The following XK variants were observed in gnomAD, a reference collection of about 807,000 sequenced individuals.
XK encodes the protein endoplasmic reticulum membrane adapter protein XK.
Under a neutral mutation model 14.0 loss-of-function variants are expected in XK, and 2 were observed. That is an observed-to-expected ratio of 0.14 (90% CI 0.06 to 0.45). XK has a LOEUF of 0.45. Among genes scored for constraint, XK ranks in the 20% least tolerant of loss-of-function variants. The probability of loss-of-function intolerance (pLI) is 0.98; values close to 1 mark genes in which losing one functional copy is unlikely to be tolerated. For missense variants in XK, 235 were observed against 341.5 expected (o/e 0.69, Z 2.46); for synonymous variants, 149 against 147.5 (o/e 1.01, Z -0.08).
intron 2 of XK, among the ~76,000 whole-genome samples, chrX:37,709,071 C>A (rs1434692630): frequency 8.9e-6 from 1 of 112,209 alleles, no homozygotes; most frequent in Admixed American, 9.5e-5. Context: ...ATATACTTCA[C>A]TGAGCTTTAT....
At chrX:37,700,833 G>GGA (rs1556443659) in intron 2 of XK, among the ~76,000 whole-genome samples, 1 of 111,232 alleles carries the variant, frequency 9.0e-6, no homozygotes, top group Non-Finnish European at 1.9e-5. Context: ...AGGGATGGGT[G>GGA]GAGAGGGGGC....
At chrX:37,689,643 G>A (rs1232958552) in intron 1 of XK, among the ~76,000 whole-genome samples, 1 of 111,654 alleles carries the variant, frequency 9.0e-6, no homozygotes, top group Non-Finnish European at 1.9e-5. Context: ...CTTTAGGGAG[G>A]CATAGGGAGA....
chrX:37,706,260 T>C (rs1927523852), intron 2 of XK, among the ~76,000 whole-genome samples: 1 of 111,981 alleles, frequency 8.9e-6, no homozygotes, highest in African/African-American at 3.2e-5. Context: ...GTAGCTTGGC[T>C]ATCTATTAAT....
At position 37,685,845 on chromosome X, in the gene XK, C is replaced by G; in HGVS notation, c.-117C>G. On this transcript the variant is annotated 5_prime_UTR_variant, in exon 1 of 3. Coordinates refer to ENST00000378616, the MANE Select transcript of XK (RefSeq NM_021083.4). ...TGCCCTCGGCGGGCTGCGCAGAGCG[C>G]GGGAGCGGTTTGGGGCTGGGCATGC... 1.1e-6 allele frequency: 1 copy of G among 883,257 alleles called. No individual in the cohort carries two copies. Among genetic ancestry groups the G allele is most frequent in the Non-Finnish European group, 1.5e-6 (1 of 656,177 alleles). The allele number at this position is 883,257 out of a possible 1,213,427, so 72.8% of individuals were successfully genotyped here. A position where few individuals can be genotyped will look rare whatever the true frequency, so the allele number is the denominator to read the frequency against.
Position 37,685,882 on chromosome X carries a change from C to T in XK, c.-80C>T. 1 of 1,104,814 alleles carries T rather than the reference C, an allele frequency of 9.1e-7. No individual in the cohort carries two copies. The highest frequency in any genetic ancestry group is 1.2e-6 in the Non-Finnish European group (1 of 827,240). The allele number at this position is 1,104,814 out of a possible 1,213,427, so 91.0% of individuals were successfully genotyped here. The stretch of plus-strand genomic sequence containing the variant: ...GGGGCTGGGCATGCTGGGAGCCCCT[C>T]GGGCAACGGCCGCCGCCGCCACAGC... On this transcript the variant is annotated 5_prime_UTR_variant, in exon 1 of 3. Coordinates refer to ENST00000378616, the MANE Select transcript of XK (RefSeq NM_021083.4).
chrX:37,708,047 A>T (rs969494972), intron 2 of XK, among the ~76,000 whole-genome samples: 2 of 112,462 alleles, frequency 1.8e-5, no homozygotes, highest in Non-Finnish European at 3.8e-5. Context: ...CCACCAAAAA[A>T]ATACGAAAAC....
intron 2 of XK, among the ~76,000 whole-genome samples, chrX:37,710,267 A>G (rs1360796687): frequency 8.9e-6 from 1 of 112,104 alleles, no homozygotes; most frequent in East Asian, 2.8e-4. Flanking sequence ...GAGGGTGTCA[A>G]CAAAGCTCTA....
intron 1 of XK, among the ~76,000 whole-genome samples, chrX:37,688,461 G>C (rs1927141606): frequency 9.0e-6 from 1 of 111,614 alleles, no homozygotes; most frequent in Non-Finnish European, 1.9e-5. Flanking sequence ...AAAGCTTCTT[G>C]TGCTAGATGG....
Position 37,685,829 on chromosome X carries a change from C to G in XK, c.-133C>G, listed in dbSNP as rs1556439979. 1.4e-6 allele frequency: 1 copy of G among 700,299 alleles called. No individual in the cohort carries two copies. The highest frequency in any genetic ancestry group is 1.9e-6 in the Non-Finnish European group (1 of 530,475). 57.7% of individuals were successfully genotyped at this position (700,299 alleles called of 1,213,427 possible). ...GTCGGCCGGGCCCGCGTGCCCTCGG[C>G]GGGCTGCGCAGAGCGCGGGAGCGGT... On this transcript the variant is annotated 5_prime_UTR_variant, in exon 1 of 3. Transcript: ENST00000378616.
Position 37,704,224 on chromosome X carries a change from A to G in XK, c.508+9676A>G, listed in dbSNP as rs186496406. Among the ~76,000 whole-genome samples the G allele has an allele frequency of 3.0e-3, 335 of 111,579 alleles. 1 individual carries two copies. The highest frequency in any genetic ancestry group is 9.2e-3 in the Middle Eastern group (2 of 217). On this transcript the variant is annotated intron_variant, in intron 2 of 2. Coordinates refer to ENST00000378616, the MANE Select transcript of XK (RefSeq NM_021083.4). ...CTGATTGTAGGGTCATTAGGGAAAC[A>G]TCAGTGTAAATAAAAAACTATCTGG...
At chrX:37,721,669 G>A (rs782001389) in intron 2 of XK, among the ~76,000 whole-genome samples, 60 of 111,379 alleles carry the variant, frequency 5.4e-4, no homozygotes, top group African/African-American at 1.8e-3. Context: ...TAAACATTAC[G>A]TTACCATATT....
chrX:37,723,864 C>G (rs1556449452), intron 2 of XK, among the ~76,000 whole-genome samples: 2 of 111,193 alleles, frequency 1.8e-5, no homozygotes, highest in Non-Finnish European at 3.8e-5. Context: ...AAATTTGTAA[C>G]CACACATACA....
chrX:37,705,307 C>A (rs1556444810), intron 2 of XK, among the ~76,000 whole-genome samples: 1 of 110,002 alleles, frequency 9.1e-6, no homozygotes, highest in East Asian at 2.9e-4. Flanking sequence ...AAAAAATTAG[C>A]CGGGCGTGGT....
At chrX:37,695,404 A>G (rs1482288393) in intron 2 of XK, among the ~76,000 whole-genome samples, 2 of 110,295 alleles carry the variant, frequency 1.8e-5, no homozygotes, top group African/African-American at 6.6e-5. Flanking sequence ...GGCTATTCTC[A>G]CATCATCAAA....
chrX:37,729,377 A>G lies in XK; in HGVS notation c.*915A>G. 9.0e-6 allele frequency: 1 copy of G among 111,595 alleles called. No individual in the cohort carries two copies. Among genetic ancestry groups the G allele is most frequent in the East Asian group, 2.8e-4 (1 of 3,585 alleles). 9.2% of individuals were successfully genotyped at this position (111,595 alleles called of 1,213,427 possible). A position where few individuals can be genotyped will look rare whatever the true frequency, so the allele number is the denominator to read the frequency against. ...CAGTTCAGGTGTATAGGGAATTTTC[A>G]TTTTCATTATTTCAAGGAATAGAGT... On this transcript the variant is annotated 3_prime_UTR_variant, in exon 3 of 3. Transcript: ENST00000378616.
At chrX:37,689,471 T>A (rs1556440924) in intron 1 of XK, among the ~76,000 whole-genome samples, 1 of 112,319 alleles carries the variant, frequency 8.9e-6, no homozygotes, top group Non-Finnish European at 1.9e-5. Context: ...TTTTTGACAG[T>A]TTAACTCTTC....
chrX:37,718,051 G>A lies in XK; in HGVS notation c.509-9585G>A, dbSNP rs570914152. Among the ~76,000 whole-genome samples the A allele has an allele frequency of 7.2e-5, 8 of 111,515 alleles. No homozygotes were observed. In the South Asian group the frequency reaches 3.0e-3, roughly 42 times the overall value. On this transcript the variant is annotated intron_variant, in intron 2 of 2. Coordinates refer to ENST00000378616, the MANE Select transcript of XK (RefSeq NM_021083.4). ...CGAGTGCCTACTAAGTATAGTAATA[G>A]TGTACCTAGTTTTTTCAAATACATA...
chrX:37,709,784 TTATAATC>T (rs782206069), intron 2 of XK, among the ~76,000 whole-genome samples: 54 of 112,043 alleles, frequency 4.8e-4, no homozygotes, highest in Non-Finnish European at 9.2e-4. Flanking sequence ...TTGGGAGAGT[TTATAATC>T]TAATATATTA....
At chrX:37,705,875 C>G (rs1015770683) in intron 2 of XK, among the ~76,000 whole-genome samples, 2 of 108,186 alleles carry the variant, frequency 1.8e-5, no homozygotes, top group African/African-American at 6.8e-5. Flanking sequence ...CACTGAGCCT[C>G]CCAAGTAGGT....
Sources: allele counts gnomAD v4.1 joint callset (sites outside exome capture counted in the v4.1 genomes callset), GRCh38; gene constraint gnomAD v4.1.1; transcripts MANE v1.5; gene names NCBI Gene and HGNC (gene_info 2026-07-23, HGNC 2026-07-21).